The following CSMD1 variants were observed in gnomAD, a reference collection of about 807,000 sequenced individuals.
The protein encoded by CSMD1 is CUB and Sushi multiple domains 1.
A neutral mutation model predicts 417.5 loss-of-function variants in CSMD1; 213 were observed. The observed-to-expected ratio is 0.51, with a 90% CI of 0.46 to 0.57. CSMD1 has a LOEUF of 0.57. Ranked by LOEUF, CSMD1 falls within the 20% of genes least tolerant of loss-of-function variation. CSMD1 has a pLI of 0.00. For synonymous variants in CSMD1, 2,862 were observed against 1,736.8 expected, an observed-to-expected ratio of 1.65 and a Z score of -16.11; for missense variants, 6,923 against 4,529.7, an observed-to-expected ratio of 1.53 and a Z score of -15.17.
rs1805168705 is a variant in CSMD1, at chr8:2,978,925, G to A, written c.8378-125C>T. The A allele has an allele frequency of 1.0e-5, 8 of 801,918 alleles. No homozygotes were observed. In the South Asian group the frequency reaches 1.8e-4, roughly 18 times the overall value. 49.7% of individuals were successfully genotyped at this position (801,918 alleles called of 1,614,324 possible). On this transcript the variant is annotated intron_variant, in intron 54 of 69. Coordinates refer to ENST00000635120, the MANE Select transcript of CSMD1 (RefSeq NM_033225.6). ...CAAAAACTGACAACATGATGGCTGA[G>A]GCTCATGAAATTCCACTCTCACGAT...
Position 3,575,170 on chromosome 8 carries a change from T to TAA in CSMD1, c.1223-106_1223-105dup, listed in dbSNP as rs11352452. The TAA allele has an allele frequency of 1.7e-3, 1,373 of 806,768 alleles. 13 individuals are homozygous for TAA. The African/African-American group carries it at 0.018, about 11-fold the overall frequency. 50.0% of individuals were successfully genotyped at this position (806,768 alleles called of 1,614,324 possible). ...CAAGTTAGCTATTATCTAATCACAG[T>TAA]AAAAAAAAAAAAAAAAATGGTGCAT... On this transcript the variant is annotated intron_variant, in intron 9 of 69. Transcript: ENST00000635120.
chr8:3,230,032 T>C lies in CSMD1; in HGVS notation c.4345+8A>G, dbSNP rs1178251057. Reference sequence around the variant, plus strand: ...AATATAAAATTTCTAAGTTCTGTTGTCTGATACCTATGCATGTAGGAGGGT... The same window carrying C: ...AATATAAAATTTCTAAGTTCTGTTGCCTGATACCTATGCATGTAGGAGGGT... On this transcript the variant is annotated splice_region_variant and intron_variant, in intron 27 of 69. Transcript: ENST00000635120. 1.3e-6 allele frequency: 2 copies of C among 1,567,346 alleles called. No individual in the cohort carries two copies. Among genetic ancestry groups the C allele is most frequent in the Admixed American group, 1.9e-5 (1 of 53,032 alleles).
At chr8:3,756,260 G>C (rs917621509) in intron 5 of CSMD1, among the ~76,000 whole-genome samples, 21 of 151,800 alleles carry the variant, frequency 1.4e-4, no homozygotes, top group African/African-American at 4.8e-4. Context: ...GGCTGAGGCA[G>C]GAGAATGGCG....
intron 48 of CSMD1, among the ~76,000 whole-genome samples, chr8:3,090,512 T>C (rs1230191041): frequency 6.6e-6 from 1 of 152,142 alleles, no homozygotes; most frequent in East Asian, 1.9e-4. Flanking sequence ...AAAATCTTGA[T>C]GCTTTTTACC....
intron 1 of CSMD1, among the ~76,000 whole-genome samples, chr8:4,867,616 A>G (rs956378130): frequency 1.6e-4 from 25 of 152,042 alleles, no homozygotes; most frequent in African/African-American, 5.6e-4. Context: ...ATCACCTTGC[A>G]CTTAACTTTA....
intron 18 of CSMD1, among the ~76,000 whole-genome samples, chr8:3,386,331 C>G (rs1422302139): frequency 2.0e-5 from 3 of 152,174 alleles, no homozygotes; most frequent in Admixed American, 1.3e-4. Context: ...CCCACAGACG[C>G]CGAACTCGAC....
In CSMD1 at chr8:4,346,809, C is replaced by T. The variant is rs112296693; in HGVS notation, c.415+73144G>A. Among the ~76,000 whole-genome samples, 1,405 of 152,246 alleles carry T rather than the reference C, an allele frequency of 9.2e-3. 17 individuals carry two copies. The highest frequency in any genetic ancestry group is 0.032 in the African/African-American group (1,341 of 41,560). On this transcript the variant is annotated intron_variant, in intron 3 of 69. Coordinates refer to ENST00000635120, the MANE Select transcript of CSMD1 (RefSeq NM_033225.6). Reference sequence around the variant, plus strand: ...GTGGTAAGCTCTGGATACAATGTCCCGCTGTAGAAATCCAAGGGGATTGAG... The same window carrying T: ...GTGGTAAGCTCTGGATACAATGTCCTGCTGTAGAAATCCAAGGGGATTGAG...
chr8:4,582,260 G>C (rs1799458133), intron 2 of CSMD1, among the ~76,000 whole-genome samples: 1 of 152,090 alleles, frequency 6.6e-6, no homozygotes, highest in South Asian at 2.1e-4. Context: ...CCTAAAAAAT[G>C]GTCCCGGACA....
chr8:4,479,760 G>A (rs911259179), intron 2 of CSMD1, among the ~76,000 whole-genome samples: 1 of 151,778 alleles, frequency 6.6e-6, no homozygotes, highest in Non-Finnish European at 1.5e-5. Flanking sequence ...TTCCTTAGAA[G>A]CTAATTCTCT....
intron 66 of CSMD1, 104 bp downstream of exon 66, chr8:2,951,010 G>T (rs688894): frequency 6.8e-6 from 8 of 1,181,798 alleles, no homozygotes; most frequent in African/African-American, 4.6e-5. Context: ...AAAGCCAACA[G>T]AACAGTAATA....
At chr8:3,447,599 G>C (rs1028645457) in intron 12 of CSMD1, among the ~76,000 whole-genome samples, 5 of 152,172 alleles carry the variant, frequency 3.3e-5, no homozygotes, top group African/African-American at 1.2e-4. Flanking sequence ...CGTAGGATTA[G>C]CCCCTGCACA....
intron 26 of CSMD1, among the ~76,000 whole-genome samples, chr8:3,261,872 C>A (rs1051233610): frequency 3.3e-5 from 5 of 151,988 alleles, no homozygotes; most frequent in African/African-American, 4.8e-5. Context: ...TCAATGGGTA[C>A]GGCTATCAAA....
intron 50 of CSMD1, among the ~76,000 whole-genome samples, chr8:3,045,968 G>A (rs1811405867): frequency 1.3e-5 from 2 of 152,220 alleles, no homozygotes; most frequent in South Asian, 2.1e-4. Flanking sequence ...CCAATATGGT[G>A]TGTAGCCCTA....
intron 3 of CSMD1, among the ~76,000 whole-genome samples, chr8:4,304,327 T>C (rs563970727): frequency 4.5e-4 from 68 of 152,334 alleles, no homozygotes; most frequent in African/African-American, 1.4e-3. Context: ...TTATTTTGTA[T>C]GTCAAACTGA....
In CSMD1 at chr8:3,672,164, C is replaced by G. The variant is rs1799103989; in HGVS notation, c.1009+36250G>C. On this transcript the variant is annotated intron_variant, in intron 7 of 69. Transcript: ENST00000635120. ...AAACTTGTTTTCTAGTGTGAAATCT[C>G]TTTATGGTCAGGGATCTTATAAGTT... Among the ~76,000 whole-genome samples, 5 of 152,218 alleles carry G rather than the reference C, an allele frequency of 3.3e-5. No individual in the cohort carries two copies. In the South Asian group the frequency reaches 1.0e-3, roughly 32 times the overall value.
At chr8:3,466,589 T>C (rs1242326530) in intron 12 of CSMD1, among the ~76,000 whole-genome samples, 1 of 148,984 alleles carries the variant, frequency 6.7e-6, no homozygotes, top group African/African-American at 2.5e-5. Context: ...TTTTTTTTTT[T>C]TTTTTTTTTT....
At chr8:4,144,893 T>C (rs1415276680) in intron 3 of CSMD1, among the ~76,000 whole-genome samples, 2 of 151,012 alleles carry the variant, frequency 1.3e-5, no homozygotes, top group South Asian at 2.1e-4. Flanking sequence ...AACTAAAAAA[T>C]AGGCTTTCAG....
At chr8:3,434,362 T>C (rs1174715146) in intron 12 of CSMD1, among the ~76,000 whole-genome samples, 1 of 152,178 alleles carries the variant, frequency 6.6e-6, no homozygotes, top group Non-Finnish European at 1.5e-5. Flanking sequence ...ATCAAGGTGA[T>C]TTTATGACTT....
intron 1 of CSMD1, among the ~76,000 whole-genome samples, chr8:4,720,325 G>C (rs116379719): frequency 8.7e-4 from 133 of 152,110 alleles, no homozygotes; most frequent in African/African-American, 3.1e-3. Context: ...AAAATCTATT[G>C]CACCAGAATA....
Sources: gnomAD v4.1 joint callset for allele counts (sites outside exome capture counted in the v4.1 genomes callset) on GRCh38, gnomAD v4.1.1 for gene constraint, MANE v1.5 for transcripts, NCBI Gene and HGNC (gene_info 2026-07-23, HGNC 2026-07-21) for gene names.